Variants in EMCN observed in about 807,000 individuals in gnomAD.
EMCN encodes MUC-14.
Under a neutral mutation model 38.4 loss-of-function variants are expected in EMCN, and 37 were observed. That is an observed-to-expected ratio of 0.96 (90% CI 0.74 to 1.27). EMCN has a LOEUF of 1.27. EMCN is among the 50% of genes most tolerant of loss of function. The pLI is 0.00. For synonymous variants in EMCN, 95 were observed against 100.8 expected, an observed-to-expected ratio of 0.94 and a Z score of 0.35; for missense variants, 318 against 302.8, an observed-to-expected ratio of 1.05 and a Z score of -0.37.
intron 1 of EMCN, among the ~76,000 whole-genome samples, chr4:100,502,658 CTTATTG>C (rs1327555726): frequency 6.6e-6 from 1 of 152,074 alleles, no homozygotes; most frequent in Non-Finnish European, 1.5e-5. Context: ...GCAAGATTGT[CTTATTG>C]TTATTCTCAC....
intron 1 of EMCN, among the ~76,000 whole-genome samples, chr4:100,499,563 C>T (rs901311171): frequency 6.6e-6 from 1 of 152,194 alleles, no homozygotes; most frequent in Non-Finnish European, 1.5e-5. Context: ...AGAATTCAAA[C>T]ATTTCTCCAA....
intron 10 of EMCN, among the ~76,000 whole-genome samples, chr4:100,412,038 A>G (rs1187689975): frequency 6.6e-6 from 1 of 150,730 alleles, no homozygotes; most frequent in Non-Finnish European, 1.5e-5. Context: ...TTGCCATAGC[A>G]TACCAATTAG....
At chr4:100,412,011 A>G (rs75308595) in intron 10 of EMCN, among the ~76,000 whole-genome samples, 7,027 of 152,212 alleles carry the variant, frequency 0.046, 572 homozygotes, top group African/African-American at 0.16. Context: ...AAAGATGACT[A>G]TGCACTTAAT....
intron 3 of EMCN, among the ~76,000 whole-genome samples, chr4:100,473,325 C>G (rs865854085): frequency 2.1e-4 from 29 of 135,408 alleles, no homozygotes; most frequent in Admixed American, 3.5e-4. Flanking sequence ...CTGCACCCGT[C>G]CATGTTATAT....
intron 11 of EMCN, among the ~76,000 whole-genome samples, chr4:100,407,695 T>A (rs188995321): frequency 1.4e-4 from 21 of 152,268 alleles, no homozygotes; most frequent in Admixed American, 1.3e-3. Flanking sequence ...CTGATGACTA[T>A]GTGTCTTGGG....
chr4:100,479,317 G>T lies in EMCN; in HGVS notation c.187+600C>A, dbSNP rs143835314. ...CTGTGTGATATGCCTTATTTTTTGT[G>T]TGTTGCAAGATGGGCAGATGCAGTA... On this transcript the variant is annotated intron_variant, in intron 2 of 11. Transcript: ENST00000296420. Among the ~76,000 whole-genome samples the T allele has an allele frequency of 1.3e-3, 205 of 152,078 alleles. 1 individual carries two copies. Among genetic ancestry groups the T allele is most frequent in the African/African-American group, 4.6e-3 (191 of 41,484 alleles).
At chr4:100,496,234 T>C (rs1729203105) in intron 1 of EMCN, among the ~76,000 whole-genome samples, 1 of 152,144 alleles carries the variant, frequency 6.6e-6, no homozygotes, top group Admixed American at 6.6e-5. Context: ...AATACTACTC[T>C]TCCTATCCTC....
chr4:100,508,043 C>T (rs1203877122), intron 1 of EMCN, among the ~76,000 whole-genome samples: 2 of 151,970 alleles, frequency 1.3e-5, no homozygotes, highest in African/African-American at 4.8e-5. Context: ...CTAGTGATAA[C>T]AGGATGAAAA....
At chr4:100,459,203 CTCTCTCTCTCTCTCTCTCTCTCTCTCA>C in intron 4 of EMCN, among the ~76,000 whole-genome samples, 1 of 39,790 alleles carries the variant, frequency 2.5e-5, no homozygotes, top group Non-Finnish European at 4.4e-5. Flanking sequence ...CTCTCTCTCT[CTCTCTCTCTCTCTCTCTCTCTCTCTCA>C]TCTCTAGAGA....
At chr4:100,490,854 A>G (rs1729059838) in intron 1 of EMCN, among the ~76,000 whole-genome samples, 1 of 152,156 alleles carries the variant, frequency 6.6e-6, no homozygotes, top group South Asian at 2.1e-4. Flanking sequence ...TATAGTAGCC[A>G]TTCTAACAGG....
intron 1 of EMCN, among the ~76,000 whole-genome samples, chr4:100,491,520 T>A (rs965492289): frequency 6.6e-6 from 1 of 152,156 alleles, no homozygotes; most frequent in Non-Finnish European, 1.5e-5. Flanking sequence ...CATAGGCAGG[T>A]GGGCAAACTT....
chr4:100,514,241 G>A (rs189628811), intron 1 of EMCN, among the ~76,000 whole-genome samples: 5 of 151,816 alleles, frequency 3.3e-5, no homozygotes, highest in East Asian at 1.9e-4. Context: ...TCACTAAACC[G>A]TCTCCTCATA....
At chr4:100,440,800 G>A (rs1455985301) in intron 5 of EMCN, among the ~76,000 whole-genome samples, 2 of 152,048 alleles carry the variant, frequency 1.3e-5, no homozygotes, top group Non-Finnish European at 2.9e-5. Context: ...TGGGATTGCT[G>A]GATGATCTAT....
intron 3 of EMCN, chr4:100,474,166 A>G (rs997672731): frequency 6.6e-6 from 1 of 152,244 alleles, no homozygotes; most frequent in Non-Finnish European, 1.5e-5. Flanking sequence ...CTCGACAATA[A>G]GAGGACAAAT....
At chr4:100,452,470 T>G in intron 4 of EMCN, among the ~76,000 whole-genome samples, 1 of 151,820 alleles carries the variant, frequency 6.6e-6, no homozygotes, top group Non-Finnish European at 1.5e-5. Context: ...TTTAGTAGAG[T>G]TCTATATTGG....
At chr4:100,451,462 T>G (rs1727837882) in intron 4 of EMCN, among the ~76,000 whole-genome samples, 1 of 151,876 alleles carries the variant, frequency 6.6e-6, no homozygotes, top group Admixed American at 6.6e-5. Flanking sequence ...AAATCAGGCA[T>G]AGTGGGCAAG....
chr4:100,430,486 A>T (rs1206219232), intron 5 of EMCN, among the ~76,000 whole-genome samples: 1 of 152,228 alleles, frequency 6.6e-6, no homozygotes, highest in Non-Finnish European at 1.5e-5. Flanking sequence ...AAACCAGACC[A>T]TGCAGATAGA....
At chr4:100,454,898 C>A (rs1291728175) in intron 4 of EMCN, among the ~76,000 whole-genome samples, 1 of 152,000 alleles carries the variant, frequency 6.6e-6, no homozygotes, top group Non-Finnish European at 1.5e-5. Context: ...CAAAGTATAC[C>A]TTTTCCTGTC....
At chr4:100,443,729 A>C (rs949866755) in intron 5 of EMCN, among the ~76,000 whole-genome samples, 2 of 152,156 alleles carry the variant, frequency 1.3e-5, no homozygotes, top group Non-Finnish European at 2.9e-5. Context: ...AAATGAATGC[A>C]GTTTCCCCAG....
Sources: allele counts gnomAD v4.1 joint callset (sites outside exome capture counted in the v4.1 genomes callset), GRCh38; gene constraint gnomAD v4.1.1; transcripts MANE v1.5; gene names NCBI Gene and HGNC (gene_info 2026-07-23, HGNC 2026-07-21).